The following KIF13A variants were observed in gnomAD, a reference collection of about 807,000 sequenced individuals.
KIF13A encodes kinesin family member 13A.
KIF13A carries 79 observed loss-of-function variants against 212.2 expected under a neutral mutation model. That is an observed-to-expected ratio of 0.37 (90% CI 0.31 to 0.45). The LOEUF is 0.45. KIF13A is among the 20% of genes least tolerant of loss of function. The pLI, the probability that KIF13A is intolerant of heterozygous loss-of-function variation, is 1.00. For synonymous variants in KIF13A, 789 were observed against 808.6 expected, an observed-to-expected ratio of 0.98 and a Z score of 0.41; for missense variants, 1,901 against 2,209.0, an observed-to-expected ratio of 0.86 and a Z score of 2.79.
chr6:17,848,711 G>A (rs991274308), intron 9 of KIF13A, among the ~76,000 whole-genome samples: 21 of 151,634 alleles, frequency 1.4e-4, no homozygotes, highest in African/African-American at 4.4e-4. Flanking sequence ...GATTACAGAC[G>A]TGTGCCACCA....
chr6:17,783,342 G>T lies in KIF13A; in HGVS notation c.3544+304C>A, dbSNP rs772860338. On this transcript the variant is annotated intron_variant, in intron 29 of 38. Transcript: ENST00000259711. This position sits in a 1 kb window ranked among gnomAD's most constrained non-coding sequence, Gnocchi z 4.3. ...ACTAGTCAGAGATGCAGATTCATAG[G>T]CCCTTGCCAAGCCTAAAGACTCAGA... is the stretch of plus-strand genomic sequence containing the variant. Among the ~76,000 whole-genome samples the T allele has an allele frequency of 2.0e-5, 3 of 152,170 alleles. No individual in the cohort carries two copies. The highest frequency in any genetic ancestry group is 2.9e-5 in the Non-Finnish European group (2 of 68,026).
intron 2 of KIF13A, among the ~76,000 whole-genome samples, chr6:17,910,353 A>C (rs1163921122): frequency 1.3e-5 from 2 of 152,264 alleles, no homozygotes; most frequent in Non-Finnish European, 2.9e-5. Flanking sequence ...AAGGTGAAGC[A>C]AACACATGGT....
chr6:17,963,407 A>G lies in KIF13A; in HGVS notation c.146+23647T>C, dbSNP rs1442318465. 6.6e-6 allele frequency among the ~76,000 whole-genome samples: 1 copy of G among 152,160 alleles called. No individual in the cohort carries two copies. Among genetic ancestry groups the G allele is most frequent in the Non-Finnish European group, 1.5e-5 (1 of 68,038 alleles). The stretch of plus-strand genomic sequence containing the variant: ...CACTCTAGCCTGGGCAACAAGAGCA[A>G]AACTCCAACTCAAAAAAAATAAATA... On this transcript the variant is annotated intron_variant, in intron 2 of 38. Transcript: ENST00000259711. This position sits in a 1 kb window ranked among gnomAD's most constrained non-coding sequence, Gnocchi z 4.1.
intron 38 of KIF13A, among the ~76,000 whole-genome samples, chr6:17,766,295 A>C (rs1758975106): frequency 6.6e-6 from 1 of 151,064 alleles, no homozygotes; most frequent in African/African-American, 2.4e-5. Flanking sequence ...GCTGGAGTGC[A>C]ATGGTGTGAT....
intron 4 of KIF13A, 197 bp downstream of exon 4, chr6:17,873,180 C>T: frequency 2.0e-6 from 1 of 509,948 alleles, no homozygotes; most frequent in Non-Finnish European, 3.5e-6. Context: ...AAAATCTGTT[C>T]AAGGATTTTA....
At position 17,855,300 on chromosome 6, in the gene KIF13A, T is replaced by A; in HGVS notation, c.494+137A>T. Reference sequence around the variant, plus strand: ...ATACCAAAAGGCTTTGAGAAGCTGATGATTTTTCTGTAAATGAATGAAAAC... The same window carrying A: ...ATACCAAAAGGCTTTGAGAAGCTGAAGATTTTTCTGTAAATGAATGAAAAC... On this transcript the variant is annotated intron_variant, in intron 6 of 38. Coordinates refer to ENST00000259711, the MANE Select transcript of KIF13A (RefSeq NM_022113.6). The surrounding 1 kb of genome is among the most constrained non-coding windows in gnomAD (Gnocchi z 4.1). The A allele has an allele frequency of 1.5e-6, 1 of 658,180 alleles. No homozygotes were observed. The highest frequency in any genetic ancestry group is 2.5e-6 in the Non-Finnish European group (1 of 401,068). 40.8% of individuals were successfully genotyped at this position (658,180 alleles called of 1,614,324 possible).
At position 17,839,092 on chromosome 6, in the gene KIF13A, T is replaced by C. The variant is rs979176246; in HGVS notation, c.831-1509A>G. On this transcript the variant is annotated intron_variant, in intron 9 of 38. Coordinates refer to ENST00000259711, the MANE Select transcript of KIF13A (RefSeq NM_022113.6). The surrounding 1 kb of genome is among the most constrained non-coding windows in gnomAD (Gnocchi z 4.3). ...ATCCTGGCATCCCAAAGTGCTGGGA[T>C]TATAGGCGTGAGCCACTGCGCCCAG... Among the ~76,000 whole-genome samples the C allele has an allele frequency of 1.3e-5, 2 of 152,224 alleles. No individual in the cohort carries two copies. Among genetic ancestry groups the C allele is most frequent in the African/African-American group, 4.8e-5 (2 of 41,460 alleles).
chr6:17,987,315 C>T lies in KIF13A; in HGVS notation c.55+94G>A, dbSNP rs1581967383. 3.0e-6 allele frequency: 3 copies of T among 1,012,712 alleles called. No homozygotes were observed. The highest frequency in any genetic ancestry group is 1.4e-4 in the East Asian group (2 of 14,464). The allele number at this position is 1,012,712 out of a possible 1,614,324, so 62.7% of individuals were successfully genotyped here. A position where few individuals can be genotyped will look rare whatever the true frequency, so the allele number is the denominator to read the frequency against. On this transcript the variant is annotated intron_variant, in intron 1 of 38. Transcript: ENST00000259711. This position sits in a 1 kb window ranked among gnomAD's most constrained non-coding sequence, Gnocchi z 7.7. ...CCGCCTCCGCCCCGGCCCCCCGGCC[C>T]CGGCCGCGCTCTCGCCGTCCCGGCC...
rs372357301 is a variant in KIF13A at position 17,783,127 on chromosome 6, G to A, written c.3544+519C>T. ...CCACTGCAAACTCAGCAACTCTGCC[G>A]TTGTTTTCTACACATGGGGTTCCAG... is the stretch of plus-strand genomic sequence containing the variant. On this transcript the variant is annotated intron_variant, in intron 29 of 38. Coordinates refer to ENST00000259711, the MANE Select transcript of KIF13A (RefSeq NM_022113.6). The surrounding 1 kb of genome is among the most constrained non-coding windows in gnomAD (Gnocchi z 4.3). 1.3e-5 allele frequency among the ~76,000 whole-genome samples: 2 copies of A among 152,162 alleles called. No homozygotes were observed. The highest frequency in any genetic ancestry group is 4.8e-5 in the African/African-American group (2 of 41,432).
chr6:17,773,572 C>T lies in KIF13A; in HGVS notation c.4230G>A (p.Glu1410=). 6.2e-7 allele frequency: 1 copy of T among 1,603,332 alleles called. No individual in the cohort carries two copies. Among genetic ancestry groups the T allele is most frequent in the Non-Finnish European group, 8.5e-7 (1 of 1,171,420 alleles). ...TATAGTCAGACATGTCCAACTGGTT[C>T]TCTGGCCAACCCTACAAGGTAAAAA... ...GFDEDDKGWP[E]NQLDMSDYSS... is the part of the protein sequence containing the mutation. Residue 1410 remains glutamate, a synonymous_variant, in exon 36 of 39, where the codon GAG becomes GAA. Coordinates refer to ENST00000259711, the MANE Select transcript of KIF13A (RefSeq NM_022113.6). The surrounding 1 kb of genome is among the most constrained non-coding windows in gnomAD (Gnocchi z 4.2).
At chr6:17,902,197 C>G (rs901077790) in intron 2 of KIF13A, among the ~76,000 whole-genome samples, 3 of 152,150 alleles carry the variant, frequency 2.0e-5, no homozygotes, top group African/African-American at 4.8e-5. Flanking sequence ...TGATTGCTGA[C>G]TCCTTAGAAA....
intron 20 of KIF13A, among the ~76,000 whole-genome samples, chr6:17,804,068 C>T (rs1561993947): frequency 1.3e-5 from 2 of 152,156 alleles, no homozygotes; most frequent in African/African-American, 2.4e-5. Flanking sequence ...AAGAGAATGG[C>T]GTGAACCCGG....
chr6:17,766,874 A>G (rs1022989288), intron 38 of KIF13A, among the ~76,000 whole-genome samples: 4 of 152,254 alleles, frequency 2.6e-5, no homozygotes, highest in Non-Finnish European at 4.4e-5. Context: ...CCTCAAAAAA[A>G]GTTTAATACT....
chr6:17,910,885 C>T (rs558488209), intron 2 of KIF13A, among the ~76,000 whole-genome samples: 4 of 152,134 alleles, frequency 2.6e-5, no homozygotes, highest in Non-Finnish European at 5.9e-5. Context: ...GCCTCAGCCT[C>T]CTGAGTAGCT....
Position 17,794,413 on chromosome 6 carries a change from G to C in KIF13A, c.3076-18C>G. On this transcript the variant is annotated intron_variant, in intron 24 of 38. Coordinates refer to ENST00000259711, the MANE Select transcript of KIF13A (RefSeq NM_022113.6). The surrounding 1 kb of genome is among the most constrained non-coding windows in gnomAD (Gnocchi z 4.1). Reference sequence around the variant, plus strand: ...GAATGACCCTGAAGAGGGTGGGGAGGAGTATGGGTGCCAGGAATGATAATG... The same window carrying C: ...GAATGACCCTGAAGAGGGTGGGGAGCAGTATGGGTGCCAGGAATGATAATG... The C allele has an allele frequency of 6.2e-7, 1 of 1,601,816 alleles. No individual in the cohort carries two copies. Among genetic ancestry groups the C allele is most frequent in the Non-Finnish European group, 8.5e-7 (1 of 1,171,268 alleles).
intron 2 of KIF13A, chr6:17,950,763 C>T: frequency 1.0e-6 from 1 of 980,824 alleles, no homozygotes. Flanking sequence ...TAACCCTTAT[C>T]CACCCAACTA....
rs1275873026 is a variant in KIF13A at position 17,808,930 on chromosome 6, C to T, written c.2001G>A (p.Arg667=). ...CCAGGCTTTGTCGGAAGAGTTCATC[C>T]CTGCAGTGTCATAGAAAAGGGAACG... The part of the protein sequence containing the change: ...QQKVTQWAEE[R]DELFRQSLAK... Residue 667 remains arginine, a splice_region_variant and synonymous_variant, in exon 18 of 39, where the codon AGG becomes AGA. Transcript: ENST00000259711. 2 of 1,594,156 alleles carry T rather than the reference C, an allele frequency of 1.3e-6. No homozygotes were observed. Among genetic ancestry groups the T allele is most frequent in the Non-Finnish European group, 1.7e-6 (2 of 1,170,272 alleles).
chr6:17,908,573 G>A (rs186320492), intron 2 of KIF13A, among the ~76,000 whole-genome samples: 27 of 152,046 alleles, frequency 1.8e-4, no homozygotes, highest in Non-Finnish European at 4.4e-5. Flanking sequence ...CACCGCACTC[G>A]AGCCTAGGCG....
In KIF13A at chr6:17,900,375, T is replaced by C. The variant is rs911625953; in HGVS notation, c.147-2195A>G. ...TGACATTCCAAGAAGGTTTTCTTCA[T>C]TCTTCTTAGAAAACCAATCCTATTT... On this transcript the variant is annotated intron_variant, in intron 2 of 38. Coordinates refer to ENST00000259711, the MANE Select transcript of KIF13A (RefSeq NM_022113.6). The surrounding 1 kb of genome is among the most constrained non-coding windows in gnomAD (Gnocchi z 4.6). Among the ~76,000 whole-genome samples, 8 of 152,260 alleles carry C rather than the reference T, an allele frequency of 5.3e-5. No individual in the cohort carries two copies. The highest frequency in any genetic ancestry group is 2.9e-5 in the Non-Finnish European group (2 of 68,044).
Sources: gnomAD v4.1 joint callset for allele counts (sites outside exome capture counted in the v4.1 genomes callset) on GRCh38, gnomAD v4.1.1 for gene constraint, Gnocchi (gnomAD v3.1) non-coding constraint, MANE v1.5 for transcripts, NCBI Gene and HGNC (gene_info 2026-07-23, HGNC 2026-07-21) for gene names.